UBE2E2: variants seen among roughly 807,000 people sequenced by gnomAD.
The protein encoded by UBE2E2 is ubiquitin-conjugating enzyme E2 E2.
UBE2E2 carries 6 observed loss-of-function variants against 24.7 expected under a neutral mutation model. That is an observed-to-expected ratio of 0.24 (90% CI 0.13 to 0.48). The LOEUF (loss-of-function observed/expected upper bound fraction) is 0.48. Among genes scored for constraint, UBE2E2 ranks in the 20% least tolerant of loss-of-function variants. The pLI is 0.99. For synonymous variants in UBE2E2, 104 were observed against 83.6 expected, an observed-to-expected ratio of 1.24 and a Z score of -1.33; for missense variants, 169 against 245.0, an observed-to-expected ratio of 0.69 and a Z score of 2.07.
intron 3 of UBE2E2, among the ~76,000 whole-genome samples, chr3:23,221,459 C>T (rs948027630): frequency 6.6e-6 from 1 of 152,124 alleles, no homozygotes; most frequent in African/African-American, 2.4e-5. Context: ...CATTTTCCCC[C>T]AGCTCTTTCA....
intron 5 of UBE2E2, among the ~76,000 whole-genome samples, chr3:23,561,887 A>G (rs1695940855): frequency 1.3e-5 from 2 of 152,254 alleles, no homozygotes; most frequent in South Asian, 4.2e-4. Flanking sequence ...ATTGGTGTAT[A>G]AGAATGCTTG....
intron 3 of UBE2E2, among the ~76,000 whole-genome samples, chr3:23,258,660 G>A (rs1052880438): frequency 7.9e-5 from 12 of 152,090 alleles, no homozygotes; most frequent in Non-Finnish European, 7.4e-5. Flanking sequence ...TTGGGAGGCC[G>A]AGGCGGGCAG....
chr3:23,450,694 G>A (rs1368108345), intron 3 of UBE2E2, among the ~76,000 whole-genome samples: 2 of 151,742 alleles, frequency 1.3e-5, no homozygotes, highest in Admixed American at 6.6e-5. Context: ...AAATATTCCG[G>A]CTTTATTTTC....
intron 5 of UBE2E2, among the ~76,000 whole-genome samples, chr3:23,542,137 A>T (rs1695408163): frequency 6.6e-6 from 1 of 152,224 alleles, no homozygotes; most frequent in African/African-American, 2.4e-5. Context: ...AAGGCATATT[A>T]GAGTGCCAGC....
intron 3 of UBE2E2, among the ~76,000 whole-genome samples, chr3:23,347,970 C>G (rs1189685842): frequency 6.6e-6 from 1 of 151,540 alleles, no homozygotes; most frequent in African/African-American, 2.4e-5. Context: ...AAAGCCATGC[C>G]AGTTGTGCAC....
intron 3 of UBE2E2, among the ~76,000 whole-genome samples, chr3:23,226,235 T>G (rs950586975): frequency 6.7e-6 from 1 of 148,274 alleles, no homozygotes; most frequent in Non-Finnish European, 1.5e-5. Context: ...AAAGTGTGTG[T>G]GGGGGTTATT....
intron 3 of UBE2E2, among the ~76,000 whole-genome samples, chr3:23,347,319 A>G (rs562722157): frequency 1.1e-4 from 16 of 152,366 alleles, no homozygotes; most frequent in African/African-American, 3.8e-4. Context: ...TCCATCAATA[A>G]TAGACTGAAT....
chr3:23,257,632 A>G (rs760366585), intron 3 of UBE2E2, among the ~76,000 whole-genome samples: 2 of 144,570 alleles, frequency 1.4e-5, no homozygotes, highest in Non-Finnish European at 3.0e-5. Flanking sequence ...CAGCCTCCGT[A>G]GTAGCTGGGA....
chr3:23,377,776 G>A (rs1029125340), intron 3 of UBE2E2, among the ~76,000 whole-genome samples: 6 of 152,114 alleles, frequency 3.9e-5, no homozygotes, highest in Non-Finnish European at 8.8e-5. Context: ...TGAAATAATA[G>A]GTAAAGTGCT....
At chr3:23,503,013 T>C (rs1045978757) in intron 4 of UBE2E2, among the ~76,000 whole-genome samples, 5 of 152,164 alleles carry the variant, frequency 3.3e-5, no homozygotes, top group African/African-American at 1.2e-4. Context: ...AATACTACAT[T>C]ATGGCCAAAA....
chr3:23,397,699 G>A (rs71322184), intron 3 of UBE2E2, among the ~76,000 whole-genome samples: 9,611 of 152,200 alleles, frequency 0.063, 466 homozygotes, highest in Non-Finnish European at 0.088. Flanking sequence ...ATGTTGTAGG[G>A]AACTGTAATT....
chr3:23,276,567 G>C lies in UBE2E2; in HGVS notation c.227+59255G>C, dbSNP rs539571874. The stretch of plus-strand genomic sequence containing the variant: ...CCTGCTAAAATGTATGAATCTTAGA[G>C]TGAGATCCTGATGCAGACTTGTGTG... On this transcript the variant is annotated intron_variant, in intron 3 of 5. Coordinates refer to ENST00000396703, the MANE Select transcript of UBE2E2 (RefSeq NM_152653.4). Among the ~76,000 whole-genome samples the C allele has an allele frequency of 7.9e-5, 12 of 152,216 alleles. No homozygotes were observed. The South Asian group carries it at 2.3e-3, about 29-fold the overall frequency.
intron 3 of UBE2E2, among the ~76,000 whole-genome samples, chr3:23,338,892 C>T (rs1043870410): frequency 1.3e-5 from 2 of 152,098 alleles, no homozygotes; most frequent in Non-Finnish European, 2.9e-5. Flanking sequence ...AGAAACACTA[C>T]AGTAATAATT....
chr3:23,515,641 T>G (rs1417226342), intron 4 of UBE2E2, among the ~76,000 whole-genome samples: 1 of 151,868 alleles, frequency 6.6e-6, no homozygotes, highest in East Asian at 1.9e-4. Context: ...TCTCATTAAT[T>G]AAGAACATAT....
At chr3:23,387,742 A>G (rs1696835898) in intron 3 of UBE2E2, among the ~76,000 whole-genome samples, 1 of 152,208 alleles carries the variant, frequency 6.6e-6, no homozygotes, top group Non-Finnish European at 1.5e-5. Flanking sequence ...ATAAACGAAG[A>G]TAAATTACAG....
chr3:23,511,809 T>A (rs764994819), intron 4 of UBE2E2, among the ~76,000 whole-genome samples: 8 of 152,214 alleles, frequency 5.3e-5, no homozygotes, highest in East Asian at 1.9e-4. Context: ...AATATCATGC[T>A]TTTATTACAA....
intron 3 of UBE2E2, among the ~76,000 whole-genome samples, chr3:23,284,968 T>C (rs1045302754): frequency 2.0e-5 from 3 of 149,244 alleles, no homozygotes; most frequent in East Asian, 1.9e-4. Context: ...AAAAAATATA[T>C]ATATATATAT....
At chr3:23,331,710 A>C (rs1695063517) in intron 3 of UBE2E2, among the ~76,000 whole-genome samples, 1 of 152,088 alleles carries the variant, frequency 6.6e-6, no homozygotes, top group African/African-American at 2.4e-5. Context: ...TGAGCCATGG[A>C]AAGAGTGGGA....
chr3:23,317,975 G>A (rs2125285667), intron 3 of UBE2E2, among the ~76,000 whole-genome samples: 1 of 151,546 alleles, frequency 6.6e-6, no homozygotes, highest in South Asian at 2.1e-4. Flanking sequence ...GTTAAATTTG[G>A]TGTTCCTGTA....
Sources: gnomAD v4.1 joint callset for allele counts (sites outside exome capture counted in the v4.1 genomes callset) on GRCh38, gnomAD v4.1.1 for gene constraint, MANE v1.5 for transcripts, NCBI Gene and HGNC (gene_info 2026-07-23, HGNC 2026-07-21) for gene names.